OPCML: variants seen among roughly 807,000 people sequenced by gnomAD.
OPCML encodes the protein opioid-binding protein/cell adhesion molecule.
Under a neutral mutation model 37.8 loss-of-function variants are expected in OPCML, and 13 were observed. That is an observed-to-expected ratio of 0.34 (90% confidence interval 0.22 to 0.55). OPCML has a LOEUF of 0.55. Among genes scored for constraint, OPCML ranks in the 20% least tolerant of loss-of-function variants. The pLI, the probability that OPCML is intolerant of heterozygous loss-of-function variation, is 0.91. For synonymous variants in OPCML, 176 were observed against 168.8 expected, an observed-to-expected ratio of 1.04 and a Z score of -0.33; for missense variants, 341 against 435.6, an observed-to-expected ratio of 0.78 and a Z score of 1.93.
intron 2 of OPCML, among the ~76,000 whole-genome samples, chr11:132,797,484 G>A (rs75185771): frequency 0.059 from 8,910 of 152,278 alleles, 365 homozygotes; most frequent in Non-Finnish European, 0.088. Flanking sequence ...CAGAAATCCT[G>A]TAGGTTCAGT....
intron 4 of OPCML, among the ~76,000 whole-genome samples, chr11:132,477,743 T>TA (rs955139677): frequency 6.6e-6 from 1 of 152,318 alleles, no homozygotes; most frequent in Non-Finnish European, 1.5e-5. Context: ...ATTGTAGGTG[T>TA]AATGCCCAAA....
chr11:132,959,371 G>C (rs1946039024), intron 1 of OPCML, among the ~76,000 whole-genome samples: 1 of 152,234 alleles, frequency 6.6e-6, no homozygotes, highest in African/African-American at 2.4e-5. Flanking sequence ...CCTCGGTGAA[G>C]ATGCTGTGAA....
chr11:133,246,060 G>A (rs1248666211), intron 1 of OPCML, among the ~76,000 whole-genome samples: 2 of 152,060 alleles, frequency 1.3e-5, no homozygotes, highest in Non-Finnish European at 2.9e-5. Flanking sequence ...CAACCGCCAT[G>A]GCACATGTAT....
chr11:132,814,268 TAGATAG>T (rs976530525), intron 2 of OPCML, among the ~76,000 whole-genome samples: 2 of 152,166 alleles, frequency 1.3e-5, no homozygotes, highest in African/African-American at 4.8e-5. Context: ...TAGGAGATTA[TAGATAG>T]AGATAGAGAT....
At chr11:132,771,815 T>C (rs1051168845) in intron 2 of OPCML, 1 of 152,250 alleles carries the variant, frequency 6.6e-6, no homozygotes, top group African/African-American at 2.4e-5. Flanking sequence ...TCAAGGTGAC[T>C]CTTCAGGAAG....
intron 2 of OPCML, among the ~76,000 whole-genome samples, chr11:132,819,964 T>C (rs1054423423): frequency 6.6e-6 from 1 of 152,172 alleles, no homozygotes; most frequent in African/African-American, 2.4e-5. Context: ...AGGCTCTGAA[T>C]GCTTCTATTC....
intron 1 of OPCML, among the ~76,000 whole-genome samples, chr11:133,488,786 C>T (rs1337909682): frequency 1.3e-5 from 2 of 152,038 alleles, no homozygotes; most frequent in African/African-American, 4.8e-5. Context: ...AGCAAAAGAA[C>T]AAAGCTGGAA....
At chr11:132,576,545 A>G (rs1016821935) in intron 3 of OPCML, among the ~76,000 whole-genome samples, 9 of 152,034 alleles carry the variant, frequency 5.9e-5, no homozygotes, top group Non-Finnish European at 1.3e-4. Context: ...TGTTACATTG[A>G]CCTTGGTAAG....
chr11:133,003,348 C>T (rs1486471118), intron 1 of OPCML, among the ~76,000 whole-genome samples: 1 of 152,122 alleles, frequency 6.6e-6, no homozygotes, highest in African/African-American at 2.4e-5. Context: ...CTGCTGGCTG[C>T]CCCACCCCCT....
intron 1 of OPCML, among the ~76,000 whole-genome samples, chr11:133,217,256 C>G (rs553002899): frequency 6.6e-6 from 1 of 152,264 alleles, no homozygotes; most frequent in Non-Finnish European, 1.5e-5. Context: ...TGCTCCAGTG[C>G]CCCCCAAAAC....
chr11:133,110,866 G>C (rs139806917), intron 1 of OPCML, among the ~76,000 whole-genome samples: 9 of 152,220 alleles, frequency 5.9e-5, no homozygotes, highest in Non-Finnish European at 1.0e-4. Flanking sequence ...TGTGGAACAG[G>C]GAGGCATTTG....
At chr11:132,688,699 A>AAAAGCTCCT (rs368503929) in intron 2 of OPCML, among the ~76,000 whole-genome samples, 1 of 109,086 alleles carries the variant, frequency 9.2e-6, no homozygotes, top group Non-Finnish European at 1.9e-5. Context: ...ATAAAAATAG[A>AAAAGCTCCT]TTGGGAGGCC....
chr11:132,656,968 T>C, intron 3 of OPCML, 119 bp downstream of exon 3: 3 of 1,480,048 alleles, frequency 2.0e-6, no homozygotes. Flanking sequence ...AGTCAAACTC[T>C]GAATTCAGTA....
chr11:132,809,417 C>G (rs1408618874), intron 2 of OPCML, among the ~76,000 whole-genome samples: 2 of 152,280 alleles, frequency 1.3e-5, no homozygotes, highest in East Asian at 3.9e-4. Context: ...CTACAGTTAC[C>G]ACTGTGCTTT....
chr11:133,075,702 C>A (rs541607400), intron 1 of OPCML, among the ~76,000 whole-genome samples: 1 of 152,288 alleles, frequency 6.6e-6, no homozygotes, highest in East Asian at 1.9e-4. Flanking sequence ...CCGAGCCAGC[C>A]CAGGACACCT....
Position 133,173,976 on chromosome 11 carries a change from C to T in OPCML, c.62-230966G>A, listed in dbSNP as rs1950328101. 2.0e-5 allele frequency among the ~76,000 whole-genome samples: 3 copies of T among 152,180 alleles called. No individual in the cohort carries two copies. Among genetic ancestry groups the T allele is most frequent in the Admixed American group, 2.0e-4 (3 of 15,286 alleles). On this transcript the variant is annotated intron_variant, in intron 1 of 7. Coordinates refer to ENST00000524381, the MANE Select transcript of OPCML (RefSeq NM_001012393.5). The surrounding 1 kb of genome is among the most constrained non-coding windows in gnomAD (Gnocchi z 7.8). ...CAAGGATCCCCAGTCAGCCAATGCA[C>T]CGGGACGCTGACATAAATCAGGGGC...
intron 1 of OPCML, among the ~76,000 whole-genome samples, chr11:132,971,832 G>T (rs936406569): frequency 1.3e-5 from 2 of 152,000 alleles, no homozygotes; most frequent in African/African-American, 4.8e-5. Context: ...CCCAAATCTA[G>T]ATATGTGGGC....
At chr11:132,894,782 G>A (rs139203629) in intron 2 of OPCML, among the ~76,000 whole-genome samples, 200 of 152,200 alleles carry the variant, frequency 1.3e-3, no homozygotes, top group African/African-American at 4.5e-3. Flanking sequence ...CTCCAGGCTC[G>A]CTGGCCTTTG....
chr11:133,468,233 G>A (rs1447305430), intron 1 of OPCML, among the ~76,000 whole-genome samples: 1 of 152,230 alleles, frequency 6.6e-6, no homozygotes, highest in African/African-American at 2.4e-5. Flanking sequence ...CCATGGCAGG[G>A]TCAAAGCACA....
Sources: gnomAD v4.1 joint callset for allele counts (sites outside exome capture counted in the v4.1 genomes callset) on GRCh38, gnomAD v4.1.1 for gene constraint, Gnocchi (gnomAD v3.1) non-coding constraint, MANE v1.5 for transcripts, NCBI Gene and HGNC (gene_info 2026-07-23, HGNC 2026-07-21) for gene names.